Variants in RELCH observed in about 807,000 individuals in gnomAD.
The protein encoded by RELCH is RAB11-binding protein RELCH.
Under a neutral mutation model 150.3 loss-of-function variants are expected in RELCH, and 41 were observed. The ratio of observed to expected loss-of-function variants is 0.27; its 90% confidence interval spans 0.21 to 0.35. The LOEUF (loss-of-function observed/expected upper bound fraction) is 0.35, where lower values mean the gene tolerates loss of function less well. RELCH is among the 10% of genes least tolerant of loss of function. The pLI, the probability that RELCH is intolerant of heterozygous loss-of-function variation, is 1.00. For missense variants in RELCH, 1,092 were observed against 1,467.8 expected (o/e 0.74, Z 4.18); for synonymous variants, 478 against 531.8 (o/e 0.90, Z 1.39).
In RELCH at chr18:62,258,591, C is replaced by T; in HGVS notation, c.2117C>T (p.Ala706Val). Residue 706 changes from alanine (A) to valine (V), a missense_variant, in exon 15 of 29, where the codon GCT (alanine) becomes GTT (valine). This residue lies in a region of RELCH where 707 missense variants were observed against 1,025.4 expected (regional missense o/e 0.69). Transcript: ENST00000644646. Reference protein sequence around the residue: ...VSATHQVFLPAYAAWTTELGN... With the variant: ...VSATHQVFLPVYAAWTTELGN... Reference sequence around the variant, plus strand: ...GCTACACATCAAGTATTTTTACCAGCTTACGCTGCGTGGACTACAGAACTT... The same window carrying T: ...GCTACACATCAAGTATTTTTACCAGTTTACGCTGCGTGGACTACAGAACTT... 1 of 1,605,470 alleles carries T rather than the reference C, an allele frequency of 6.2e-7. No individual in the cohort carries two copies. Among genetic ancestry groups the T allele is most frequent in the Non-Finnish European group, 8.5e-7 (1 of 1,176,996 alleles).
At chr18:62,208,525 G>A (rs2039957444) in intron 1 of RELCH, among the ~76,000 whole-genome samples, 1 of 151,942 alleles carries the variant, frequency 6.6e-6, no homozygotes, top group Admixed American at 6.6e-5. Context: ...TTTTATTTTA[G>A]GTTCGGGGGT....
rs1301315076 is a variant in RELCH, at chr18:62,279,771, C to G, written c.2968-3C>G. On this transcript the variant is annotated splice_polypyrimidine_tract_variant and splice_region_variant and intron_variant, in intron 22 of 28. Coordinates refer to ENST00000644646, the MANE Select transcript of RELCH (RefSeq NM_001346231.2). ...GTGAATACCCCCTGTGCTGACCAAT[C>G]AGCTGTTGGTGAAGGGGGTGAATGA... 6.5e-7 allele frequency: 1 copy of G among 1,531,522 alleles called. No individual in the cohort carries two copies. The highest frequency in any genetic ancestry group is 8.7e-7 in the Non-Finnish European group (1 of 1,142,886). 94.9% of individuals were successfully genotyped at this position (1,531,522 alleles called of 1,614,324 possible). A position where few individuals can be genotyped will look rare whatever the true frequency, so the allele number is the denominator to read the frequency against.
chr18:62,272,177 T>G (rs1252738825), intron 20 of RELCH, among the ~76,000 whole-genome samples: 1 of 152,186 alleles, frequency 6.6e-6, no homozygotes, highest in Non-Finnish European at 1.5e-5. Context: ...TGTATGTTAA[T>G]AAATTGTCTC....
chr18:62,248,728 T>C (rs2042550665), intron 11 of RELCH, among the ~76,000 whole-genome samples: 1 of 152,224 alleles, frequency 6.6e-6, no homozygotes, highest in Non-Finnish European at 1.5e-5. Flanking sequence ...ATCACTGGGT[T>C]ATCAGTAAAC....
chr18:62,211,601 A>G (rs2040173946), intron 2 of RELCH, among the ~76,000 whole-genome samples: 1 of 152,086 alleles, frequency 6.6e-6, no homozygotes, highest in East Asian at 1.9e-4. Flanking sequence ...TTGTGTACCA[A>G]TACAACTCTA....
At position 62,287,386 on chromosome 18, in the gene RELCH, A is replaced by G; in HGVS notation, c.3289A>G (p.Asn1097Asp). Residue 1097 changes from asparagine (N) to aspartate (D), a missense_variant, in exon 26 of 29, where the codon AAC becomes GAC. Coordinates refer to ENST00000644646, the MANE Select transcript of RELCH (RefSeq NM_001346231.2). The part of the protein sequence containing the change: ...IPHLHKLALV[N>D]NLQIVDSKRL... Reference sequence around the variant, plus strand: ...ACATTTGCATAAGTTAGCCTTGGTGAACAACTTACAGATTGTGGATTCTAA... The same window carrying G: ...ACATTTGCATAAGTTAGCCTTGGTGGACAACTTACAGATTGTGGATTCTAA... The G allele has an allele frequency of 6.2e-7, 1 of 1,609,018 alleles. No homozygotes were observed.
chr18:62,273,793 A>G (rs924955564), intron 20 of RELCH, among the ~76,000 whole-genome samples, 187 bp from the exon 21 acceptor site: 21 of 152,192 alleles, frequency 1.4e-4, no homozygotes, highest in African/African-American at 5.1e-4. Flanking sequence ...TTAAAGTATC[A>G]AGATAGTCTG....
intron 24 of RELCH, among the ~76,000 whole-genome samples, chr18:62,281,769 C>T (rs1428063937): frequency 6.6e-6 from 1 of 152,132 alleles, no homozygotes; most frequent in African/African-American, 2.4e-5. Context: ...AGAATATTTT[C>T]CATTTTTTCA....
chr18:62,207,468 T>A (rs1346433764), intron 1 of RELCH, among the ~76,000 whole-genome samples: 1 of 152,236 alleles, frequency 6.6e-6, no homozygotes, highest in Non-Finnish European at 1.5e-5. Flanking sequence ...AATAATTATG[T>A]ACAAGATTTT....
intron 10 of RELCH, among the ~76,000 whole-genome samples, chr18:62,244,374 T>A (rs911561691): frequency 1.3e-5 from 2 of 152,170 alleles, no homozygotes; most frequent in Non-Finnish European, 2.9e-5. Context: ...TTTTTTATTA[T>A]CTTTTTAAGT....
chr18:62,237,208 T>C (rs1283633984), intron 10 of RELCH, among the ~76,000 whole-genome samples: 1 of 151,882 alleles, frequency 6.6e-6, no homozygotes, highest in Admixed American at 6.6e-5. Flanking sequence ...GCCTAACTTA[T>C]GGTCTGTCCT....
At chr18:62,194,342 A>G (rs1424078217) in intron 1 of RELCH, among the ~76,000 whole-genome samples, 3 of 152,150 alleles carry the variant, frequency 2.0e-5, no homozygotes, top group Non-Finnish European at 2.9e-5. Context: ...TATGTTCTGT[A>G]TGTCCTTTTG....
chr18:62,263,093 A>T (rs1352301773), intron 16 of RELCH, among the ~76,000 whole-genome samples: 3 of 152,018 alleles, frequency 2.0e-5, no homozygotes, highest in Admixed American at 6.6e-5. Context: ...TGGATAAGCG[A>T]CTACTTCAGT....
chr18:62,210,889 T>C (rs991141920), intron 1 of RELCH, among the ~76,000 whole-genome samples: 5 of 152,206 alleles, frequency 3.3e-5, no homozygotes, highest in African/African-American at 1.2e-4. Flanking sequence ...TTTGTTTGTT[T>C]GTTTTGTCCT....
intron 12 of RELCH, among the ~76,000 whole-genome samples, chr18:62,253,267 T>TTTTG (rs1427889058): frequency 1.5e-5 from 2 of 136,454 alleles, no homozygotes; most frequent in African/African-American, 5.3e-5. Context: ...AGCAAGAAGA[T>TTTTG]TGTGTGTGTG....
chr18:62,266,261 C>T (rs1312769759), intron 18 of RELCH, among the ~76,000 whole-genome samples: 1 of 151,620 alleles, frequency 6.6e-6, no homozygotes, highest in African/African-American at 2.4e-5. Context: ...ATGTTACTTA[C>T]TAAACACCTG....
intron 20 of RELCH, among the ~76,000 whole-genome samples, chr18:62,271,395 A>G (rs2043893232): frequency 6.6e-6 from 1 of 152,030 alleles, no homozygotes; most frequent in Admixed American, 6.5e-5. Context: ...TCTTCTTTTG[A>G]GAAGTGTCTG....
chr18:62,294,195 A>C (rs1348547331), intron 27 of RELCH, among the ~76,000 whole-genome samples: 1 of 152,234 alleles, frequency 6.6e-6, no homozygotes, highest in African/African-American at 2.4e-5. Flanking sequence ...GCACATGTAC[A>C]AAAGTTTGTC....
At chr18:62,234,191 C>T (rs1314466748) in intron 10 of RELCH, among the ~76,000 whole-genome samples, 1 of 151,822 alleles carries the variant, frequency 6.6e-6, no homozygotes. Flanking sequence ...AACATTTTTT[C>T]GTTACATCTC....
Sources: gnomAD v4.1 joint callset for allele counts (sites outside exome capture counted in the v4.1 genomes callset) on GRCh38, gnomAD v4.1.1 for gene constraint, gnomAD v4.1.1 regional missense constraint, MANE v1.5 for transcripts, NCBI Gene and HGNC (gene_info 2026-07-23, HGNC 2026-07-21) for gene names.